The following HCN1 variants were observed in gnomAD, a reference collection of about 807,000 sequenced individuals.
HCN1 encodes potassium/sodium hyperpolarization-activated cyclic nucleotide-gated channel 1.
Under a neutral mutation model 78.9 loss-of-function variants are expected in HCN1, and 13 were observed. The ratio of observed to expected loss-of-function variants is 0.16; its 90% CI spans 0.11 to 0.26. The LOEUF (loss-of-function observed/expected upper bound fraction) is 0.26. HCN1 is among the 10% of genes least tolerant of loss of function. The pLI is 1.00. For synonymous variants in HCN1, 552 were observed against 455.5 expected, an observed-to-expected ratio of 1.21 and a Z score of -2.70; for missense variants, 810 against 1,154.3, an observed-to-expected ratio of 0.70 and a Z score of 4.32.
chr5:45,338,664 T>A (rs1746513082), intron 5 of HCN1, among the ~76,000 whole-genome samples: 1 of 152,102 alleles, frequency 6.6e-6, no homozygotes, highest in Non-Finnish European at 1.5e-5. Flanking sequence ...TGATTCCTCC[T>A]CTCCCAAGTG....
chr5:45,529,515 T>G (rs1742797964), intron 2 of HCN1, among the ~76,000 whole-genome samples: 1 of 152,028 alleles, frequency 6.6e-6, no homozygotes, highest in African/African-American at 2.4e-5. Flanking sequence ...AAGGAAATAT[T>G]GTGTAATCTG....
At chr5:45,627,112 G>C (rs1745179930) in intron 2 of HCN1, among the ~76,000 whole-genome samples, 1 of 152,052 alleles carries the variant, frequency 6.6e-6, no homozygotes, top group Non-Finnish European at 1.5e-5. Flanking sequence ...TGCCAAATAA[G>C]ATGACTATGC....
chr5:45,529,966 T>C (rs935723685), intron 2 of HCN1, among the ~76,000 whole-genome samples: 3 of 152,134 alleles, frequency 2.0e-5, no homozygotes, highest in Non-Finnish European at 2.9e-5. Flanking sequence ...ATAATAAAGA[T>C]ATGTAACATG....
intron 2 of HCN1, among the ~76,000 whole-genome samples, chr5:45,596,487 T>A (rs928816097): frequency 3.9e-5 from 6 of 152,176 alleles, no homozygotes; most frequent in Admixed American, 6.5e-5. Context: ...AATAGGAATG[T>A]CAATGAATAA....
At chr5:45,366,373 A>G (rs1230030066) in intron 4 of HCN1, among the ~76,000 whole-genome samples, 1 of 151,816 alleles carries the variant, frequency 6.6e-6, no homozygotes, top group Non-Finnish European at 1.5e-5. Context: ...CACAGCCCCA[A>G]CAAATTTTTT....
At chr5:45,350,555 T>C (rs528860166) in intron 5 of HCN1, among the ~76,000 whole-genome samples, 5,141 of 151,254 alleles carry the variant, frequency 0.034, 324 homozygotes, top group African/African-American at 0.12. Flanking sequence ...AAATAAAGGG[T>C]ATTCAATTAG....
At chr5:45,542,354 A>G (rs1332308963) in intron 2 of HCN1, among the ~76,000 whole-genome samples, 1 of 152,106 alleles carries the variant, frequency 6.6e-6, no homozygotes, top group East Asian at 1.9e-4. Flanking sequence ...TGTATTTTGG[A>G]CAAGGGTAAA....
chr5:45,312,643 C>T (rs749277350), intron 5 of HCN1, among the ~76,000 whole-genome samples: 2 of 152,178 alleles, frequency 1.3e-5, no homozygotes, highest in Non-Finnish European at 2.9e-5. Flanking sequence ...CAGACAGCAC[C>T]TGGAAAATCG....
At chr5:45,660,534 T>C (rs1745909294) in intron 1 of HCN1, among the ~76,000 whole-genome samples, 1 of 151,536 alleles carries the variant, frequency 6.6e-6, no homozygotes, top group Admixed American at 6.6e-5. Flanking sequence ...TCAAGACCCA[T>C]CAGTGTGCTG....
intron 1 of HCN1, among the ~76,000 whole-genome samples, chr5:45,646,618 A>G (rs1745555926): frequency 6.6e-6 from 1 of 152,030 alleles, no homozygotes; most frequent in Non-Finnish European, 1.5e-5. Context: ...TCTTATCTCA[A>G]CTTACATTAA....
chr5:45,529,745 G>C (rs944797707), intron 2 of HCN1, among the ~76,000 whole-genome samples: 1 of 152,030 alleles, frequency 6.6e-6, no homozygotes, highest in African/African-American at 2.4e-5. Context: ...CCCCACAGCT[G>C]TCAATCACTT....
chr5:45,336,481 A>T (rs1385216201), intron 5 of HCN1, among the ~76,000 whole-genome samples: 1 of 152,088 alleles, frequency 6.6e-6, no homozygotes, highest in Admixed American at 6.6e-5. Context: ...CAGGACGTAC[A>T]GCCTAGCTTG....
At chr5:45,438,428 T>C (rs1227515491) in intron 3 of HCN1, among the ~76,000 whole-genome samples, 1 of 151,752 alleles carries the variant, frequency 6.6e-6, no homozygotes, top group African/African-American at 2.4e-5. Context: ...CCGTCTCTAC[T>C]AAAAATATAA....
intron 3 of HCN1, among the ~76,000 whole-genome samples, chr5:45,455,254 A>C (rs1741006643): frequency 6.6e-6 from 1 of 152,060 alleles, no homozygotes; most frequent in Non-Finnish European, 1.5e-5. Context: ...CCAGCACTTG[A>C]ACCATGCTCT....
chr5:45,696,011 G>A lies in HCN1; in HGVS notation c.83C>T (p.Thr28Met), dbSNP rs2112109678. 7.7e-7 allele frequency: 1 copy of A among 1,304,370 alleles called. No individual in the cohort carries two copies. The highest frequency in any genetic ancestry group is 1.9e-5 in the South Asian group (1 of 53,168). 80.8% of individuals were successfully genotyped at this position (1,304,370 alleles called of 1,614,324 possible). ...NSVFPAKASA[T>M]GAGPAAAEKR... ...CTCGGCCGCGGCCGGCCCCGCGCCC[G>A]TCGCGGACGCCTTGGCGGGGAAGAC... The change falls in exon 1 of 8, where the codon ACG (threonine) becomes ATG (methionine). Residue 28 changes from threonine to methionine, a missense_variant. Physicochemically the swap from Thr to Met is moderately conservative, Grantham distance 81. Transcript: ENST00000303230.
At chr5:45,266,862 C>T (rs947759789) in intron 7 of HCN1, among the ~76,000 whole-genome samples, 17 of 152,140 alleles carry the variant, frequency 1.1e-4, no homozygotes, top group African/African-American at 3.4e-4. Context: ...GTGCACGCCA[C>T]CACACCCGGC....
intron 3 of HCN1, among the ~76,000 whole-genome samples, chr5:45,437,767 T>G (rs1370543809): frequency 2.0e-5 from 3 of 152,210 alleles, no homozygotes; most frequent in African/African-American, 4.8e-5. Flanking sequence ...ACCCTGAAAC[T>G]TAGCAGTTTA....
At chr5:45,676,507 A>T (rs1746269375) in intron 1 of HCN1, among the ~76,000 whole-genome samples, 1 of 151,738 alleles carries the variant, frequency 6.6e-6, no homozygotes, top group African/African-American at 2.4e-5. Context: ...ATATGTTTGG[A>T]GCATGTCTTG....
intron 7 of HCN1, among the ~76,000 whole-genome samples, chr5:45,263,040 G>A (rs921393708): frequency 6.6e-6 from 1 of 152,128 alleles, no homozygotes; most frequent in African/African-American, 2.4e-5. Context: ...CCTGTAATAT[G>A]GCAAAGAGCC....
Sources: allele counts gnomAD v4.1 joint callset (sites outside exome capture counted in the v4.1 genomes callset), GRCh38; gene constraint gnomAD v4.1.1; transcripts MANE v1.5; gene names NCBI Gene and HGNC (gene_info 2026-07-23, HGNC 2026-07-21).